Variants in DLC1 observed in about 807,000 individuals in gnomAD.
DLC1 encodes rho GTPase-activating protein 7.
Under a neutral mutation model 140.3 loss-of-function variants are expected in DLC1, and 54 were observed. The ratio of observed to expected loss-of-function variants is 0.38; its 90% CI spans 0.31 to 0.48. The LOEUF is 0.48. Among genes scored for constraint, DLC1 ranks in the 20% least tolerant of loss-of-function variants. The pLI is 0.96. For synonymous variants in DLC1, 986 were observed against 728.1 expected (o/e 1.35, Z -5.70); for missense variants, 2,536 against 1,907.0 (o/e 1.33, Z -6.14).
intron 1 of DLC1, among the ~76,000 whole-genome samples, chr8:13,524,148 T>C (rs1802847145): frequency 1.6e-5 from 2 of 123,666 alleles, no homozygotes; most frequent in South Asian, 3.0e-4. Context: ...ATTATTATTA[T>C]TATTATTGAG....
At chr8:13,170,666 C>G (rs1388236026) in intron 5 of DLC1, among the ~76,000 whole-genome samples, 3 of 148,580 alleles carry the variant, frequency 2.0e-5, no homozygotes, top group Non-Finnish European at 4.4e-5. Flanking sequence ...GGAGGCGGAG[C>G]TTGCAGTGAG....
At chr8:13,431,482 CAA>C (rs56057254) in intron 2 of DLC1, among the ~76,000 whole-genome samples, 254 of 40,494 alleles carry the variant, frequency 6.3e-3, no homozygotes, top group African/African-American at 0.024. Flanking sequence ...GACTCCGTCT[CAA>C]AAAAAAAAAA....
chr8:13,447,929 A>G (rs1273273032), intron 2 of DLC1, among the ~76,000 whole-genome samples: 11 of 152,200 alleles, frequency 7.2e-5, no homozygotes. Flanking sequence ...CCATTCAATG[A>G]GGCTCTGAAA....
intron 1 of DLC1, among the ~76,000 whole-genome samples, chr8:13,523,525 C>A (rs774425202): frequency 1.3e-5 from 2 of 152,008 alleles, no homozygotes; most frequent in African/African-American, 4.8e-5. Flanking sequence ...GAGATCTGGG[C>A]TAGACAAATA....
At chr8:13,196,402 C>T (rs146910775) in intron 5 of DLC1, among the ~76,000 whole-genome samples, 9 of 152,226 alleles carry the variant, frequency 5.9e-5, no homozygotes, top group African/African-American at 2.2e-4. Context: ...TACTACATTG[C>T]CTTTATTTTT....
At chr8:13,449,828 T>A (rs1177247187) in intron 2 of DLC1, among the ~76,000 whole-genome samples, 1 of 152,038 alleles carries the variant, frequency 6.6e-6, no homozygotes, top group African/African-American at 2.4e-5. Flanking sequence ...ATAAAAAAAA[T>A]CCTGTGTTTC....
At chr8:13,353,272 A>C (rs1386163733) in intron 4 of DLC1, 1 of 152,184 alleles carries the variant, frequency 6.6e-6, no homozygotes, top group Non-Finnish European at 1.5e-5. Flanking sequence ...AGATCATCTA[A>C]AGATTTTTTT....
chr8:13,259,496 T>C (rs1355072177), intron 5 of DLC1, among the ~76,000 whole-genome samples: 2 of 152,214 alleles, frequency 1.3e-5, no homozygotes, highest in Non-Finnish European at 2.9e-5. Context: ...TAAATCCACC[T>C]GTCTATGGGG....
rs936570641 is a variant in DLC1 at position 13,523,279 on chromosome 8, AT to A, written c.-125-23084del. On this transcript the variant is annotated intron_variant, in intron 1 of 1. Transcript: ENST00000631382. ...GCTGTTGTTGTGGTTCATGCTACCA[AT>A]TTTTTTTAAGAATTAAATTTGCTAT... 2.0e-5 allele frequency among the ~76,000 whole-genome samples: 3 copies of A among 152,172 alleles called. No homozygotes were observed. In the East Asian group the frequency reaches 5.8e-4, roughly 29 times the overall value.
At chr8:13,114,874 C>G (rs540239429) in intron 6 of DLC1, among the ~76,000 whole-genome samples, 1 of 152,136 alleles carries the variant, frequency 6.6e-6, no homozygotes, top group Non-Finnish European at 1.5e-5. Flanking sequence ...TGTGGATACA[C>G]AGATTGGTAA....
At chr8:13,424,481 T>A (rs989494214) in intron 2 of DLC1, among the ~76,000 whole-genome samples, 1 of 152,074 alleles carries the variant, frequency 6.6e-6, no homozygotes, top group African/African-American at 2.4e-5. Context: ...AGAGAGAGAC[T>A]CTGTCTCAAA....
intron 1 of DLC1, among the ~76,000 whole-genome samples, chr8:13,503,859 A>ATATCTATCTGTGGTG (rs1563405165): frequency 6.6e-6 from 1 of 152,134 alleles, no homozygotes; most frequent in Non-Finnish European, 1.5e-5. Context: ...GTTCTATCAT[A>ATATCTATCTGTGGTG]GATATCTATC....
chr8:13,176,953 C>A lies in DLC1; in HGVS notation c.1349-61296G>T, dbSNP rs925424700. On this transcript the variant is annotated intron_variant, in intron 5 of 17. Transcript: ENST00000276297. ...AAGGATGGTGGGCGGCTTCCAGGAG[C>A]TGGGAACAGCAAGGAGACAGTTCTC... Among the ~76,000 whole-genome samples, 4 of 152,228 alleles carry A rather than the reference C, an allele frequency of 2.6e-5. No homozygotes were observed. In the East Asian group the frequency reaches 5.8e-4, roughly 22 times the overall value.
intron 1 of DLC1, among the ~76,000 whole-genome samples, chr8:13,551,872 A>C (rs1440583714): frequency 7.4e-6 from 1 of 134,286 alleles, no homozygotes; most frequent in Non-Finnish European, 1.6e-5. Flanking sequence ...GTGTGTATAT[A>C]TATATATATA....
chr8:13,534,491 G>A (rs768211535), intron 1 of DLC1, among the ~76,000 whole-genome samples: 43 of 152,272 alleles, frequency 2.8e-4, no homozygotes, highest in Admixed American at 4.6e-4. Flanking sequence ...GTCCCACAGC[G>A]TGGTGTGTGT....
chr8:13,191,700 C>T (rs1413126937), intron 5 of DLC1, among the ~76,000 whole-genome samples: 1 of 152,074 alleles, frequency 6.6e-6, no homozygotes, highest in Admixed American at 6.6e-5. Context: ...ATCTATGGGA[C>T]AAACCACAGG....
At chr8:13,106,852 G>T (rs1819607160) in intron 7 of DLC1, among the ~76,000 whole-genome samples, 1 of 152,130 alleles carries the variant, frequency 6.6e-6, no homozygotes, top group African/African-American at 2.4e-5. Context: ...TAATTCCAAA[G>T]GAAAATAGCA....
chr8:13,253,165 T>C (rs1830082258), intron 5 of DLC1, among the ~76,000 whole-genome samples: 1 of 152,212 alleles, frequency 6.6e-6, no homozygotes, highest in South Asian at 2.1e-4. Flanking sequence ...AAAGCTCATA[T>C]GGAATTCATT....
At chr8:13,498,015 T>C (rs374737432) in intron 2 of DLC1, among the ~76,000 whole-genome samples, 20 of 152,312 alleles carry the variant, frequency 1.3e-4, no homozygotes, top group African/African-American at 4.3e-4. Context: ...AGATTTTTTT[T>C]TCTCTCTCAT....
Sources: gnomAD v4.1 joint callset for allele counts (sites outside exome capture counted in the v4.1 genomes callset) on GRCh38, gnomAD v4.1.1 for gene constraint, MANE v1.5 for transcripts, NCBI Gene and HGNC (gene_info 2026-07-23, HGNC 2026-07-21) for gene names.